SLC25A21: variants seen among roughly 807,000 people sequenced by gnomAD.
SLC25A21 encodes solute carrier family 25 member 21, also known as mitochondrial 2-oxodicarboxylate carrier.
A neutral mutation model predicts 43.8 loss-of-function variants in SLC25A21; 47 were observed. The ratio of observed to expected loss-of-function variants is 1.07; its 90% confidence interval spans 0.85 to 1.37. SLC25A21 has a LOEUF of 1.37. Among genes scored for constraint, SLC25A21 ranks in the 40% most tolerant of loss-of-function variants. The probability of loss-of-function intolerance (pLI) is 0.00; values close to 1 mark genes in which losing one functional copy is unlikely to be tolerated. For missense variants in SLC25A21, 352 were observed against 350.2 expected, an observed-to-expected ratio of 1.00 and a Z score of -0.04; for synonymous variants, 131 against 121.3, an observed-to-expected ratio of 1.08 and a Z score of -0.52.
chr14:36,801,592 T>C (rs1221517259), intron 3 of SLC25A21, among the ~76,000 whole-genome samples: 2 of 152,200 alleles, frequency 1.3e-5, no homozygotes, highest in South Asian at 4.1e-4. Flanking sequence ...AAAAGTAGTT[T>C]TGTGTATTTT....
intron 7 of SLC25A21, among the ~76,000 whole-genome samples, chr14:36,692,844 G>A (rs1258834505): frequency 6.6e-6 from 1 of 152,174 alleles, no homozygotes; most frequent in Non-Finnish European, 1.5e-5. Context: ...CCTCATGTCA[G>A]CCCAAATCAC....
chr14:37,046,622 T>A (rs1245423205), intron 1 of SLC25A21, among the ~76,000 whole-genome samples: 1 of 152,200 alleles, frequency 6.6e-6, no homozygotes, highest in Non-Finnish European at 1.5e-5. Context: ...GTCAACAAGA[T>A]AACAGCTTGA....
At position 36,952,009 on chromosome 14, in the gene SLC25A21, C is replaced by T. The variant is rs545556742; in HGVS notation, c.71-77005G>A. ...CAGCACTTTGGGAGGCCAAGGAGGG[C>T]AGATCACTTAGGTCAGAAGTTCAAG... On this transcript the variant is annotated intron_variant, in intron 1 of 9. Transcript: ENST00000331299. Among the ~76,000 whole-genome samples, 4 of 151,962 alleles carry T rather than the reference C, an allele frequency of 2.6e-5. No homozygotes were observed. The South Asian group carries it at 6.2e-4, about 24-fold the overall frequency.
At chr14:36,768,871 G>C (rs578084406) in intron 3 of SLC25A21, among the ~76,000 whole-genome samples, 150 of 150,582 alleles carry the variant, frequency 1.0e-3, no homozygotes, top group African/African-American at 3.6e-3. Context: ...GAGGCAGAAG[G>C]ACTGCTTGAG....
At chr14:36,947,015 C>T (rs1892694230) in intron 1 of SLC25A21, among the ~76,000 whole-genome samples, 1 of 152,172 alleles carries the variant, frequency 6.6e-6, no homozygotes, top group Admixed American at 6.6e-5. Flanking sequence ...TCCTCCAGCT[C>T]TCCTAGACCC....
chr14:37,019,066 C>T (rs1178126660), intron 1 of SLC25A21, among the ~76,000 whole-genome samples: 2 of 151,920 alleles, frequency 1.3e-5, no homozygotes, highest in East Asian at 1.9e-4. Flanking sequence ...CTCCACACAG[C>T]ATCAACAAAG....
chr14:36,678,316 T>G lies in SLC25A21; in HGVS notation c.*2342A>C, dbSNP rs1335751515. The G allele has an allele frequency of 1.6e-6, 1 of 608,412 alleles. No homozygotes were observed. Among genetic ancestry groups the G allele is most frequent in the African/African-American group, 1.8e-5 (1 of 54,362 alleles). 37.7% of individuals were successfully genotyped at this position (608,412 alleles called of 1,614,324 possible). A position where few individuals can be genotyped will look rare whatever the true frequency, so the allele number is the denominator to read the frequency against. ...CTGCTTTTTTCAGACAGCAGATATC[T>G]TATAGAGAGCTTTGAACTGCATTTA... is the stretch of plus-strand genomic sequence containing the variant. On this transcript the variant is annotated 3_prime_UTR_variant, in exon 10 of 10. Coordinates refer to ENST00000331299, the MANE Select transcript of SLC25A21 (RefSeq NM_030631.4).
intron 1 of SLC25A21, among the ~76,000 whole-genome samples, chr14:36,985,448 A>G (rs1960126091): frequency 6.6e-6 from 1 of 152,184 alleles, no homozygotes; most frequent in Non-Finnish European, 1.5e-5. Flanking sequence ...AGCTCACACA[A>G]TGCACTTAGT....
chr14:37,089,791 CA>C (rs1962550627), intron 1 of SLC25A21, among the ~76,000 whole-genome samples: 2 of 152,306 alleles, frequency 1.3e-5, no homozygotes, highest in African/African-American at 4.8e-5. Flanking sequence ...TGAAAACATT[CA>C]TGTTTGATAT....
chr14:37,030,130 G>A (rs1961179779), intron 1 of SLC25A21, among the ~76,000 whole-genome samples: 1 of 152,042 alleles, frequency 6.6e-6, no homozygotes, highest in Non-Finnish European at 1.5e-5. Context: ...CTTTGTATAT[G>A]TATTATATAA....
intron 3 of SLC25A21, among the ~76,000 whole-genome samples, chr14:36,750,060 A>C (rs1474398277): frequency 6.6e-6 from 1 of 152,204 alleles, no homozygotes; most frequent in Non-Finnish European, 1.5e-5. Context: ...CTGACATATA[A>C]GAGACACTCA....
chr14:36,715,522 A>G (rs1286467221), intron 6 of SLC25A21, among the ~76,000 whole-genome samples: 3 of 152,166 alleles, frequency 2.0e-5, no homozygotes, highest in Admixed American at 1.3e-4. Context: ...GTTTCCTTGT[A>G]TTATTTAGAT....
chr14:36,691,666 C>T (rs1018219635), intron 7 of SLC25A21, among the ~76,000 whole-genome samples: 36 of 151,732 alleles, frequency 2.4e-4, no homozygotes, highest in Non-Finnish European at 3.2e-4. Context: ...CCAGCCTTGG[C>T]AATATAGTGA....
chr14:36,776,893 T>C (rs1333539857), intron 3 of SLC25A21, among the ~76,000 whole-genome samples: 1 of 152,228 alleles, frequency 6.6e-6, no homozygotes, highest in African/African-American at 2.4e-5. Context: ...CTAGAATGTC[T>C]TTCTCTACTG....
chr14:36,683,968 T>C, intron 8 of SLC25A21, 88 bp from the exon 9 acceptor site: 1 of 901,418 alleles, frequency 1.1e-6, no homozygotes, highest in Non-Finnish European at 1.7e-6. Context: ...ACCCAGCATT[T>C]AAAAAAATAA....
intron 3 of SLC25A21, among the ~76,000 whole-genome samples, chr14:36,775,842 C>T (rs1420474665): frequency 6.6e-6 from 1 of 152,158 alleles, no homozygotes; most frequent in Non-Finnish European, 1.5e-5. Flanking sequence ...CTACCCCCAC[C>T]CAAATACCCT....
chr14:36,773,710 C>T (rs537318466), intron 3 of SLC25A21, among the ~76,000 whole-genome samples: 2 of 152,142 alleles, frequency 1.3e-5, no homozygotes, highest in African/African-American at 4.8e-5. Flanking sequence ...CTCATGATAA[C>T]CCTATGTGGA....
At chr14:37,090,213 T>A (rs563019317) in intron 1 of SLC25A21, among the ~76,000 whole-genome samples, 1 of 152,242 alleles carries the variant, frequency 6.6e-6, no homozygotes, top group Non-Finnish European at 1.5e-5. Flanking sequence ...GCTATTAAAA[T>A]TGAAGACATA....
At chr14:36,847,846 G>A (rs1398831176) in intron 2 of SLC25A21, among the ~76,000 whole-genome samples, 2 of 152,214 alleles carry the variant, frequency 1.3e-5, no homozygotes, top group South Asian at 2.1e-4. Flanking sequence ...AGGCATGGGA[G>A]TAAGTGAACA....
Sources: allele counts gnomAD v4.1 joint callset (sites outside exome capture counted in the v4.1 genomes callset), GRCh38; gene constraint gnomAD v4.1.1; transcripts MANE v1.5; gene names NCBI Gene and HGNC (gene_info 2026-07-23, HGNC 2026-07-21).